XRCC4: variants seen among roughly 807,000 people sequenced by gnomAD.
XRCC4 encodes the protein X-ray repair cross complementing 4, also known as DNA repair protein XRCC4.
XRCC4 carries 28 observed loss-of-function variants against 39.1 expected under a neutral mutation model. The ratio of observed to expected loss-of-function variants is 0.72; its 90% confidence interval spans 0.53 to 0.98. The LOEUF is 0.98. Ranked by LOEUF, XRCC4 falls within the 50% of genes least tolerant of loss-of-function variation. The pLI, the probability that XRCC4 is intolerant of heterozygous loss-of-function variation, is 0.00. For missense variants in XRCC4, 350 were observed against 376.4 expected (o/e 0.93, Z 0.58); for synonymous variants, 123 against 126.4 (o/e 0.97, Z 0.18).
At chr5:83,152,399 C>T (rs910989090) in intron 3 of XRCC4, among the ~76,000 whole-genome samples, 4 of 151,914 alleles carry the variant, frequency 2.6e-5, no homozygotes, top group African/African-American at 7.3e-5. Flanking sequence ...TTTGGGAGGC[C>T]GAGGCGGGTG....
chr5:83,272,009 G>A (rs1754160392), intron 7 of XRCC4, among the ~76,000 whole-genome samples: 1 of 152,030 alleles, frequency 6.6e-6, no homozygotes, highest in South Asian at 2.1e-4. Flanking sequence ...CTGGGGTGCT[G>A]GACCAATTGA....
At chr5:83,193,837 G>A (rs1188446073) in intron 3 of XRCC4, among the ~76,000 whole-genome samples, 3 of 152,134 alleles carry the variant, frequency 2.0e-5, no homozygotes, top group Non-Finnish European at 4.4e-5. Context: ...GTAACCTATT[G>A]TCTAAAATAA....
chr5:83,158,283 A>T (rs781780851), intron 3 of XRCC4, among the ~76,000 whole-genome samples: 1 of 152,088 alleles, frequency 6.6e-6, no homozygotes, highest in African/African-American at 2.4e-5. Flanking sequence ...TTATTTTTCC[A>T]TTTAAAAGGA....
chr5:83,348,213 TCA>T (rs61051993), intron 7 of XRCC4, among the ~76,000 whole-genome samples: 2,402 of 152,290 alleles, frequency 0.016, 72 homozygotes, highest in African/African-American at 0.054. Context: ...GGCTGTCTTC[TCA>T]CAGTTCCATT....
At chr5:83,281,468 T>TA (rs1209839316) in intron 7 of XRCC4, among the ~76,000 whole-genome samples, 1 of 152,086 alleles carries the variant, frequency 6.6e-6, no homozygotes, top group Non-Finnish European at 1.5e-5. Context: ...GCAGCTCACA[T>TA]ATGTGTTCGG....
chr5:83,146,585 T>G (rs1748464242), intron 3 of XRCC4, among the ~76,000 whole-genome samples: 1 of 152,190 alleles, frequency 6.6e-6, no homozygotes, highest in African/African-American at 2.4e-5. Flanking sequence ...TTTTGTGTGG[T>G]GAAATTCTGT....
intron 3 of XRCC4, among the ~76,000 whole-genome samples, chr5:83,169,382 G>A (rs1026628893): frequency 6.6e-6 from 1 of 152,122 alleles, no homozygotes; most frequent in Non-Finnish European, 1.5e-5. Flanking sequence ...CATCATGGGA[G>A]TGAATTTAAT....
intron 6 of XRCC4, among the ~76,000 whole-genome samples, chr5:83,241,185 G>T (rs1226540765): frequency 6.6e-6 from 1 of 150,640 alleles, no homozygotes; most frequent in Non-Finnish European, 1.5e-5. Flanking sequence ...GGAGGTTGCA[G>T]TGAGCCCAGA....
chr5:83,085,294 A>T lies in XRCC4; in HGVS notation c.-11+7679A>T, dbSNP rs1437919014. ...AGTATAAATATTGACATGCTGAGAC[A>T]TGTCAATATTTACCATAGAATTTGG... On this transcript the variant is annotated intron_variant, in intron 1 of 7. Transcript: ENST00000396027. 2.0e-5 allele frequency among the ~76,000 whole-genome samples: 3 copies of T among 152,184 alleles called. No individual in the cohort carries two copies. The East Asian group carries it at 5.8e-4, about 29-fold the overall frequency.
At chr5:83,299,274 C>A (rs975173571) in intron 7 of XRCC4, among the ~76,000 whole-genome samples, 1 of 152,118 alleles carries the variant, frequency 6.6e-6, no homozygotes, top group African/African-American at 2.4e-5. Flanking sequence ...AACAGTTTCA[C>A]AATCACTCCT....
rs1257958970 is a variant in XRCC4, at chr5:83,118,173, C to T, written c.315+6970C>T. Among the ~76,000 whole-genome samples the T allele has an allele frequency of 2.0e-5, 3 of 151,960 alleles. No individual in the cohort carries two copies. In the East Asian group the frequency reaches 5.8e-4, roughly 29 times the overall value. On this transcript the variant is annotated intron_variant, in intron 3 of 7. Coordinates refer to ENST00000396027, the MANE Select transcript of XRCC4 (RefSeq NM_003401.5). ...ACTTCTATTTCTTTACCCTCATTTC[C>T]CCTACTACTTAAATAGCATAGAGGT...
chr5:83,107,364 C>T (rs1746245004), intron 2 of XRCC4, among the ~76,000 whole-genome samples: 1 of 151,082 alleles, frequency 6.6e-6, no homozygotes, highest in Non-Finnish European at 1.5e-5. Context: ...AACGGATTTC[C>T]TTCCGATACC....
At chr5:83,211,222 A>G (rs1561406982) in intron 6 of XRCC4, among the ~76,000 whole-genome samples, 2 of 152,228 alleles carry the variant, frequency 1.3e-5, no homozygotes, top group African/African-American at 2.4e-5. Context: ...GACTGCCTCT[A>G]TCACTGCCTG....
At chr5:83,268,147 T>C (rs1754020551) in intron 7 of XRCC4, among the ~76,000 whole-genome samples, 1 of 152,162 alleles carries the variant, frequency 6.6e-6, no homozygotes, top group Non-Finnish European at 1.5e-5. Context: ...GAATAGTGAC[T>C]GTAATTGGTG....
At chr5:83,140,200 C>T (rs138090869) in intron 3 of XRCC4, among the ~76,000 whole-genome samples, 1 of 152,290 alleles carries the variant, frequency 6.6e-6, no homozygotes, top group Non-Finnish European at 1.5e-5. Flanking sequence ...GACAGGGCGT[C>T]TGCAAGCTGA....
At chr5:83,334,490 C>T (rs1265918727) in intron 7 of XRCC4, among the ~76,000 whole-genome samples, 1 of 151,862 alleles carries the variant, frequency 6.6e-6, no homozygotes, top group Non-Finnish European at 1.5e-5. Flanking sequence ...TTTTAAGGTA[C>T]CTCAATGTAA....
chr5:83,111,077 A>G lies in XRCC4; in HGVS notation c.189A>G (p.Lys63=). ...SQEADDMAME[K]GKYVGELRKA... ...AAGCTGATGACATGGCAATGGAAAA[A>G]GGGAAATATGTTGGTGAACTGAGAA... The change falls in exon 3 of 8, where the codon AAA becomes AAG. Residue 63 remains lysine (K), a synonymous_variant. Coordinates refer to ENST00000396027, the MANE Select transcript of XRCC4 (RefSeq NM_003401.5). 6.2e-7 allele frequency: 1 copy of G among 1,611,010 alleles called. No homozygotes were observed. The highest frequency in any genetic ancestry group is 1.1e-5 in the South Asian group (1 of 90,584).
intron 7 of XRCC4, among the ~76,000 whole-genome samples, chr5:83,283,330 C>G (rs1479848355): frequency 6.6e-6 from 1 of 152,174 alleles, no homozygotes; most frequent in Non-Finnish European, 1.5e-5. Flanking sequence ...ATTCCATTGC[C>G]TTTTCTGCTA....
chr5:83,297,908 TC>T (rs951546478), intron 7 of XRCC4, among the ~76,000 whole-genome samples: 6 of 151,960 alleles, frequency 3.9e-5, no homozygotes, highest in African/African-American at 1.4e-4. Flanking sequence ...ATTAACAGAA[TC>T]ATTAACAAAA....
Sources: gnomAD v4.1 joint callset for allele counts (sites outside exome capture counted in the v4.1 genomes callset) on GRCh38, gnomAD v4.1.1 for gene constraint, MANE v1.5 for transcripts, NCBI Gene and HGNC (gene_info 2026-07-23, HGNC 2026-07-21) for gene names.